Variants in LCLAT1 observed in about 807,000 individuals in gnomAD.
LCLAT1 encodes the protein lysocardiolipin acyltransferase 1.
A neutral mutation model predicts 30.7 loss-of-function variants in LCLAT1; 11 were observed. The observed-to-expected ratio is 0.36, with a 90% confidence interval of 0.23 to 0.59. The LOEUF is 0.59. LCLAT1 is among the 20% of genes least tolerant of loss of function. LCLAT1 has a pLI of 0.77. For synonymous variants in LCLAT1, 155 were observed against 151.3 expected (o/e 1.02, Z -0.18); for missense variants, 402 against 458.6 (o/e 0.88, Z 1.13).
At chr2:30,573,782 CTG>C (rs1425745804) in intron 5 of LCLAT1, among the ~76,000 whole-genome samples, 1 of 152,134 alleles carries the variant, frequency 6.6e-6, no homozygotes, top group Non-Finnish European at 1.5e-5. Flanking sequence ...ATCTTCTTCA[CTG>C]TTTTTTCTCA....
At chr2:30,548,318 A>G (rs187177520) in intron 3 of LCLAT1, among the ~76,000 whole-genome samples, 172 of 152,280 alleles carry the variant, frequency 1.1e-3, no homozygotes, top group African/African-American at 4.1e-3. Context: ...CATGTGCCCA[A>G]AGTGGTCGGG....
At chr2:30,598,172 G>T (rs72858990) in intron 5 of LCLAT1, among the ~76,000 whole-genome samples, 2 of 152,236 alleles carry the variant, frequency 1.3e-5, no homozygotes, top group African/African-American at 4.8e-5. Flanking sequence ...AGTTAGGGAG[G>T]GGTCCCTCCT....
intron 5 of LCLAT1, among the ~76,000 whole-genome samples, chr2:30,585,136 T>C (rs940776963): frequency 1.3e-5 from 2 of 152,150 alleles, no homozygotes; most frequent in Admixed American, 1.3e-4. Context: ...ATCTGCCTTA[T>C]TGCCTTCATT....
intron 1 of LCLAT1, among the ~76,000 whole-genome samples, chr2:30,474,680 A>G (rs1208902121): frequency 6.8e-6 from 1 of 146,770 alleles, no homozygotes; most frequent in Non-Finnish European, 1.5e-5. Flanking sequence ...ATAGGGCCTC[A>G]CTCTATCACC....
At chr2:30,519,761 C>A (rs1294524335) in intron 1 of LCLAT1, among the ~76,000 whole-genome samples, 3 of 152,208 alleles carry the variant, frequency 2.0e-5, no homozygotes, top group African/African-American at 7.2e-5. Flanking sequence ...CCAGCAGTGG[C>A]AAGCACCTTT....
At chr2:30,456,929 A>G (rs1681867314) in intron 1 of LCLAT1, among the ~76,000 whole-genome samples, 1 of 152,206 alleles carries the variant, frequency 6.6e-6, no homozygotes, top group African/African-American at 2.4e-5. Flanking sequence ...TATGGAAGAA[A>G]ATACAGGGTG....
chr2:30,464,896 T>G (rs1158112536), intron 1 of LCLAT1, among the ~76,000 whole-genome samples: 1 of 152,118 alleles, frequency 6.6e-6, no homozygotes, highest in Non-Finnish European at 1.5e-5. Flanking sequence ...TTGTTTTATT[T>G]TTTACATAGA....
chr2:30,467,886 A>G (rs376929955), intron 1 of LCLAT1, among the ~76,000 whole-genome samples: 17 of 152,186 alleles, frequency 1.1e-4, no homozygotes, highest in East Asian at 3.9e-4. Flanking sequence ...CCATTCTGTA[A>G]GTTGCCTGTT....
chr2:30,616,400 G>A (rs2244911), intron 5 of LCLAT1, among the ~76,000 whole-genome samples: 14,128 of 152,172 alleles, frequency 0.093, 697 homozygotes, highest in East Asian at 0.11. Context: ...GCAAGAGTGT[G>A]TGTATGTGTT....
chr2:30,551,476 A>C (rs139577812), intron 3 of LCLAT1, among the ~76,000 whole-genome samples: 2 of 151,856 alleles, frequency 1.3e-5, no homozygotes, highest in African/African-American at 4.8e-5. Context: ...CCTTTTTTTT[A>C]TGAAGAATGA....
chr2:30,608,928 G>A (rs923436768), intron 5 of LCLAT1, among the ~76,000 whole-genome samples: 29 of 152,192 alleles, frequency 1.9e-4, no homozygotes, highest in Admixed American at 3.3e-4. Flanking sequence ...ACACCCACTG[G>A]CAATGCACAA....
At chr2:30,583,831 G>C (rs551077879) in intron 5 of LCLAT1, among the ~76,000 whole-genome samples, 5 of 152,080 alleles carry the variant, frequency 3.3e-5, no homozygotes, top group African/African-American at 1.2e-4. Flanking sequence ...TTTTAAATTT[G>C]CTTTGGTTTG....
chr2:30,485,819 T>TA (rs1470561116), intron 1 of LCLAT1, among the ~76,000 whole-genome samples: 3 of 152,202 alleles, frequency 2.0e-5, no homozygotes, highest in Non-Finnish European at 4.4e-5. Context: ...GGATTAATGC[T>TA]ATAGCAGATT....
chr2:30,537,432 A>C (rs72856701), intron 3 of LCLAT1, among the ~76,000 whole-genome samples: 2,022 of 152,100 alleles, frequency 0.013, 36 homozygotes, highest in African/African-American at 0.046. Context: ...AAGAAAAAAA[A>C]CCTACAACAT....
intron 3 of LCLAT1, among the ~76,000 whole-genome samples, chr2:30,537,521 T>C (rs905250724): frequency 2.7e-5 from 4 of 149,106 alleles, no homozygotes; most frequent in African/African-American, 4.9e-5. Context: ...CAATTGTAAA[T>C]ACACACACAC....
At chr2:30,449,603 C>T (rs1681448503) in intron 1 of LCLAT1, among the ~76,000 whole-genome samples, 2 of 151,672 alleles carry the variant, frequency 1.3e-5, no homozygotes, top group African/African-American at 4.8e-5. Context: ...CGGGTTCAAG[C>T]GATTCTCCTG....
At chr2:30,609,011 GT>G (rs1259135652) in intron 5 of LCLAT1, among the ~76,000 whole-genome samples, 1 of 152,090 alleles carries the variant, frequency 6.6e-6, no homozygotes, top group African/African-American at 2.4e-5. Flanking sequence ...AGTCAAATAG[GT>G]ATATTTTAAT....
chr2:30,459,493 C>T (rs545207579), intron 1 of LCLAT1: 9 of 740,774 alleles, frequency 1.2e-5, no homozygotes, highest in African/African-American at 5.2e-5. Context: ...CTGATGAGCC[C>T]GGTGCACTGT....
intron 1 of LCLAT1, chr2:30,476,714 G>A (rs2148301221): frequency 3.3e-6 from 1 of 300,410 alleles, no homozygotes; most frequent in Non-Finnish European, 6.7e-6. Context: ...AATGTAATGT[G>A]CTTGAATCCT....
Sources: gnomAD v4.1 joint callset for allele counts (sites outside exome capture counted in the v4.1 genomes callset) on GRCh38, gnomAD v4.1.1 for gene constraint, MANE v1.5 for transcripts, NCBI Gene and HGNC (gene_info 2026-07-23, HGNC 2026-07-21) for gene names.